The following SCFD1 variants were observed in gnomAD, a reference collection of about 807,000 sequenced individuals.
SCFD1 encodes sec1 family domain-containing protein 1.
In SCFD1, 37 loss-of-function variants were observed where a neutral mutation model predicts 103.2. The ratio of observed to expected loss-of-function variants is 0.36; its 90% CI spans 0.28 to 0.47. The LOEUF is 0.47. SCFD1 is among the 20% of genes least tolerant of loss of function. The pLI, the probability that SCFD1 is intolerant of heterozygous loss-of-function variation, is 1.00. For synonymous variants in SCFD1, 264 were observed against 245.0 expected, an observed-to-expected ratio of 1.08 and a Z score of -0.73; for missense variants, 639 against 761.2, an observed-to-expected ratio of 0.84 and a Z score of 1.89.
At chr14:30,660,134 T>C (rs1176949380) in intron 10 of SCFD1, among the ~76,000 whole-genome samples, 1 of 152,224 alleles carries the variant, frequency 6.6e-6, no homozygotes, top group Non-Finnish European at 1.5e-5. Context: ...AATACATCTA[T>C]ACATGGCATT....
In SCFD1 at chr14:30,735,663, GAAGAA is replaced by G; in HGVS notation, c.*58_*62del. The G allele has an allele frequency of 1.5e-6, 2 of 1,360,366 alleles. No individual in the cohort carries two copies. Among genetic ancestry groups the G allele is most frequent in the Admixed American group, 2.0e-5 (1 of 50,302 alleles). The allele number at this position is 1,360,366 out of a possible 1,614,324, so 84.3% of individuals were successfully genotyped here. ...CTTGGAATGTGGATAAATGTAAAAA[GAAGAA>G]AAGTTAGAAGAGCAATATGTTTCCT... On this transcript the variant is annotated 3_prime_UTR_variant, in exon 25 of 25. Transcript: ENST00000458591.
chr14:30,721,456 T>A (rs958976826), intron 21 of SCFD1, among the ~76,000 whole-genome samples: 5 of 151,992 alleles, frequency 3.3e-5, no homozygotes, highest in Non-Finnish European at 4.4e-5. Context: ...TCCTGAGTTG[T>A]TATTCTTCCC....
chr14:30,669,571 G>A (rs997915920), intron 10 of SCFD1, among the ~76,000 whole-genome samples: 3 of 151,884 alleles, frequency 2.0e-5, no homozygotes, highest in South Asian at 2.1e-4. Flanking sequence ...TACAGAAAAG[G>A]TACAAAAATC....
At chr14:30,679,683 C>T (rs1889318054) in intron 14 of SCFD1, among the ~76,000 whole-genome samples, 1 of 146,958 alleles carries the variant, frequency 6.8e-6, no homozygotes. Context: ...CATAAACTGA[C>T]TTTTTTTTTT....
At chr14:30,730,083 C>G (rs189502641) in intron 23 of SCFD1, among the ~76,000 whole-genome samples, 2 of 152,258 alleles carry the variant, frequency 1.3e-5, no homozygotes, top group East Asian at 3.9e-4. Flanking sequence ...TGTTCATTTC[C>G]CACCTATGAG....
At chr14:30,634,976 A>G (rs1175354223) in intron 4 of SCFD1, 1 of 456,012 alleles carries the variant, frequency 2.2e-6, no homozygotes, top group Admixed American at 2.3e-5. Flanking sequence ...GAGTCACCCC[A>G]AAGAAAATCT....
chr14:30,635,745 T>C (rs918424511), intron 4 of SCFD1, among the ~76,000 whole-genome samples: 9 of 152,154 alleles, frequency 5.9e-5, no homozygotes, highest in African/African-American at 1.9e-4. Context: ...TGTGGACATG[T>C]TTTCAATTCT....
At chr14:30,735,095 TG>T in intron 24 of SCFD1, 1 of 417,818 alleles carries the variant, frequency 2.4e-6, no homozygotes, top group East Asian at 3.8e-5. Context: ...TGGCTTTTAA[TG>T]ATCCTTTAGA....
At chr14:30,655,123 A>T (rs1465641898) in intron 10 of SCFD1, among the ~76,000 whole-genome samples, 1 of 152,242 alleles carries the variant, frequency 6.6e-6, no homozygotes, top group Non-Finnish European at 1.5e-5. Flanking sequence ...GCATTTCAGA[A>T]GGTGGAAGAT....
intron 14 of SCFD1, 48 bp downstream of exon 14, chr14:30,675,113 G>C: frequency 1.0e-6 from 1 of 999,182 alleles, no homozygotes; most frequent in Non-Finnish European, 1.5e-6. Flanking sequence ...ATTTACATAG[G>C]GTTTTATACT....
chr14:30,628,126 G>T, intron 1 of SCFD1, 83 bp from the exon 2 acceptor site: 2 of 880,118 alleles, frequency 2.3e-6, no homozygotes, highest in Non-Finnish European at 3.6e-6. Flanking sequence ...AGTTTATTTT[G>T]CTTTGGGGTA....
intron 23 of SCFD1, among the ~76,000 whole-genome samples, chr14:30,731,225 C>A (rs1893438500): frequency 6.6e-6 from 1 of 152,116 alleles, no homozygotes; most frequent in South Asian, 2.1e-4. Flanking sequence ...TGTTTTGGTA[C>A]CAGTACCATG....
chr14:30,659,339 G>C (rs1370053063), intron 10 of SCFD1, among the ~76,000 whole-genome samples: 1 of 151,882 alleles, frequency 6.6e-6, no homozygotes, highest in Admixed American at 6.6e-5. Context: ...TAAGATATTA[G>C]ATGTTTTCTT....
intron 17 of SCFD1, among the ~76,000 whole-genome samples, chr14:30,703,696 T>G (rs1213583577): frequency 6.6e-6 from 1 of 150,386 alleles, no homozygotes; most frequent in African/African-American, 2.4e-5. Flanking sequence ...AGATTATGAG[T>G]GCTTTTTATT....
chr14:30,707,660 A>T (rs1406578018), intron 18 of SCFD1, among the ~76,000 whole-genome samples: 2 of 152,048 alleles, frequency 1.3e-5, no homozygotes, highest in Non-Finnish European at 2.9e-5. Flanking sequence ...AAGGCAAGGA[A>T]TTCTCTTCAA....
At chr14:30,681,631 T>C (rs1029555513) in intron 14 of SCFD1, among the ~76,000 whole-genome samples, 3 of 151,500 alleles carry the variant, frequency 2.0e-5, no homozygotes, top group Non-Finnish European at 4.4e-5. Flanking sequence ...AATTCTCAAA[T>C]TTGGCTTTGA....
chr14:30,648,226 CATTT>C (rs1206687884), intron 7 of SCFD1, among the ~76,000 whole-genome samples: 1 of 152,092 alleles, frequency 6.6e-6, no homozygotes, highest in Non-Finnish European at 1.5e-5. Flanking sequence ...TTATTACAAA[CATTT>C]ATAACTTTTG....
chr14:30,650,921 T>G (rs1001477655), intron 9 of SCFD1, among the ~76,000 whole-genome samples: 6 of 152,148 alleles, frequency 3.9e-5, no homozygotes, highest in African/African-American at 1.4e-4. Context: ...CCATTTTCTT[T>G]CAATTATCAT....
intron 19 of SCFD1, among the ~76,000 whole-genome samples, chr14:30,715,135 T>C (rs1022753239): frequency 2.0e-5 from 3 of 152,232 alleles, no homozygotes; most frequent in African/African-American, 7.2e-5. Flanking sequence ...TGTGTATCCA[T>C]ATACCCATTT....
Sources: gnomAD v4.1 joint callset for allele counts (sites outside exome capture counted in the v4.1 genomes callset) on GRCh38, gnomAD v4.1.1 for gene constraint, MANE v1.5 for transcripts, NCBI Gene and HGNC (gene_info 2026-07-23, HGNC 2026-07-21) for gene names.